The following PTPRD variants were observed in gnomAD, a reference collection of about 807,000 sequenced individuals.
PTPRD encodes receptor-type tyrosine-protein phosphatase delta.
Under a neutral mutation model 214.5 loss-of-function variants are expected in PTPRD, and 34 were observed. That is an observed-to-expected ratio of 0.16 (90% CI 0.12 to 0.21). The LOEUF is 0.21. Ranked by LOEUF, PTPRD falls within the 10% of genes least tolerant of loss-of-function variation. The pLI, the probability that PTPRD is intolerant of heterozygous loss-of-function variation, is 1.00. For missense variants in PTPRD, 2,545 were observed against 2,398.7 expected (o/e 1.06, Z -1.27); for synonymous variants, 1,128 against 845.7 (o/e 1.33, Z -5.79).
At chr9:9,500,685 T>A (rs557517713) in intron 8 of PTPRD, among the ~76,000 whole-genome samples, 1 of 152,002 alleles carries the variant, frequency 6.6e-6, no homozygotes, top group African/African-American at 2.4e-5. Flanking sequence ...TTTGGATCCA[T>A]AAGAAGAAAT....
rs2135963704 is a variant in PTPRD at position 8,486,215 on chromosome 9, G to C, written c.2602C>G (p.Leu868Val). 6.2e-7 allele frequency: 1 copy of C among 1,614,206 alleles called. No individual in the cohort carries two copies. Among genetic ancestry groups the C allele is most frequent in the Non-Finnish European group, 8.5e-7 (1 of 1,180,028 alleles). ...TTTTCAGAGAACTCAAGAGTAGTAA[G>C]TGGCTCCATATCCTTGCGGCCAAAT... is the stretch of plus-strand genomic sequence containing the variant. ...LKFGRKDMEP[L>V]TTLEFSEKED... Residue 868 changes from leucine (L) to valine (V), a missense_variant, in exon 28 of 46, where the codon CTT (leucine) becomes GTT (valine). Coordinates refer to ENST00000381196, the MANE Select transcript of PTPRD (RefSeq NM_002839.4).
chr9:8,751,838 C>G (rs1000568374), intron 11 of PTPRD, among the ~76,000 whole-genome samples: 2 of 152,154 alleles, frequency 1.3e-5, no homozygotes, highest in East Asian at 3.9e-4. Context: ...TAAAACGAGA[C>G]AGTTTGTTAT....
chr9:10,503,201 A>AAAC (rs1555437178), intron 2 of PTPRD, among the ~76,000 whole-genome samples: 46 of 134,604 alleles, frequency 3.4e-4, no homozygotes, highest in African/African-American at 1.1e-3. Context: ...TACAAAAAAA[A>AAAC]AAAAAACAAA....
chr9:9,845,099 T>C (rs1359618038), intron 5 of PTPRD, among the ~76,000 whole-genome samples: 1 of 122,078 alleles, frequency 8.2e-6, no homozygotes, highest in Non-Finnish European at 1.6e-5. Context: ...TAGCTATATA[T>C]ATACTGCTAT....
intron 11 of PTPRD, among the ~76,000 whole-genome samples, chr9:8,930,644 G>A (rs1253906202): frequency 6.6e-6 from 1 of 152,120 alleles, no homozygotes; most frequent in Non-Finnish European, 1.5e-5. Flanking sequence ...ACTTTTTAAT[G>A]ATCACCATTC....
intron 3 of PTPRD, among the ~76,000 whole-genome samples, chr9:10,113,419 T>C (rs1412297175): frequency 6.6e-6 from 1 of 152,184 alleles, no homozygotes; most frequent in African/African-American, 2.4e-5. Context: ...CAGATACAGA[T>C]GAGTTGTTAA....
At chr9:8,388,449 A>ATCAT (rs1337059306) in intron 37 of PTPRD, among the ~76,000 whole-genome samples, 2 of 152,164 alleles carry the variant, frequency 1.3e-5, no homozygotes, top group Admixed American at 1.3e-4. Context: ...CAGAGATCCC[A>ATCAT]TCATTAATTT....
intron 8 of PTPRD, among the ~76,000 whole-genome samples, chr9:9,560,136 T>C (rs2082535247): frequency 6.6e-6 from 1 of 152,198 alleles, no homozygotes; most frequent in South Asian, 2.1e-4. Context: ...TGCACAGCAA[T>C]GTTCTTCTCT....
chr9:8,622,561 C>G (rs1324723900), intron 14 of PTPRD, among the ~76,000 whole-genome samples: 2 of 151,872 alleles, frequency 1.3e-5, no homozygotes, highest in African/African-American at 4.8e-5. Flanking sequence ...TTATGGCTTC[C>G]CATCAGAGAT....
At chr9:9,133,711 A>G (rs1333195608) in intron 10 of PTPRD, among the ~76,000 whole-genome samples, 3 of 152,214 alleles carry the variant, frequency 2.0e-5, no homozygotes. Context: ...ATGTATGGCC[A>G]CTGAGTCTGT....
intron 5 of PTPRD, among the ~76,000 whole-genome samples, chr9:9,919,228 C>T (rs984251426): frequency 6.6e-6 from 1 of 152,028 alleles, no homozygotes; most frequent in Non-Finnish European, 1.5e-5. Context: ...TAAAAACATA[C>T]CCTCTCTTCC....
chr9:9,329,282 CAA>C (rs1275694635), intron 9 of PTPRD, among the ~76,000 whole-genome samples: 2 of 151,910 alleles, frequency 1.3e-5, no homozygotes, highest in African/African-American at 2.4e-5. Context: ...ACAAAAAAAC[CAA>C]AGTCTTTATT....
chr9:8,895,921 C>T (rs2098606100), intron 11 of PTPRD, among the ~76,000 whole-genome samples: 1 of 152,210 alleles, frequency 6.6e-6, no homozygotes, highest in Admixed American at 6.5e-5. Context: ...AGGTTCAGCA[C>T]ACTCCTAGGA....
chr9:9,959,439 A>G (rs569316049), intron 4 of PTPRD, among the ~76,000 whole-genome samples: 14 of 152,176 alleles, frequency 9.2e-5, no homozygotes, highest in Admixed American at 3.3e-4. Flanking sequence ...ATGACAGTAC[A>G]TATTTGTCAA....
In PTPRD at chr9:8,378,232, C is replaced by G. The variant is rs1002088859; in HGVS notation, c.4387-1506G>C. Among the ~76,000 whole-genome samples, 36 of 151,918 alleles carry G rather than the reference C, an allele frequency of 2.4e-4. 1 individual carries two copies. Among genetic ancestry groups the G allele is most frequent in the South Asian group, 6.2e-4 (3 of 4,818 alleles). On this transcript the variant is annotated intron_variant, in intron 37 of 45. Transcript: ENST00000381196. ...TGTGTTTTTTATTTCTATCATTTGC[C>G]CTGACTCAAAGAGATAACAACATAG...
intron 14 of PTPRD, among the ~76,000 whole-genome samples, chr9:8,602,441 T>C (rs1400392548): frequency 6.6e-6 from 1 of 152,216 alleles, no homozygotes; most frequent in South Asian, 2.1e-4. Context: ...AAACTTACTA[T>C]GAGCCTTATC....
intron 2 of PTPRD, among the ~76,000 whole-genome samples, chr9:10,469,627 C>G (rs73392207): frequency 0.062 from 9,492 of 152,010 alleles, 826 homozygotes; most frequent in African/African-American, 0.2. Flanking sequence ...AAAAATAGAG[C>G]TACTATATGA....
At chr9:9,937,370 T>C (rs1602992949) in intron 5 of PTPRD, among the ~76,000 whole-genome samples, 1 of 63,198 alleles carries the variant, frequency 1.6e-5, no homozygotes, top group Admixed American at 2.2e-4. Flanking sequence ...CTGCTCCTTC[T>C]TTCATGTCAG....
intron 3 of PTPRD, among the ~76,000 whole-genome samples, chr9:10,271,328 G>A (rs1284738646): frequency 1.3e-5 from 2 of 151,884 alleles, no homozygotes; most frequent in South Asian, 2.1e-4. Flanking sequence ...TTTAACACCA[G>A]CAGATACATC....
Sources: gnomAD v4.1 joint callset for allele counts (sites outside exome capture counted in the v4.1 genomes callset) on GRCh38, gnomAD v4.1.1 for gene constraint, MANE v1.5 for transcripts, NCBI Gene and HGNC (gene_info 2026-07-23, HGNC 2026-07-21) for gene names.